LIN54: variants seen among roughly 807,000 people sequenced by gnomAD.
LIN54 encodes the protein protein lin-54 homolog.
In LIN54, 9 loss-of-function variants were observed where a neutral mutation model predicts 78.7. The ratio of observed to expected loss-of-function variants is 0.11; its 90% CI spans 0.07 to 0.20. LIN54 has a LOEUF of 0.20. LIN54 is among the 10% of genes least tolerant of loss of function. LIN54 has a pLI of 1.00. For missense variants in LIN54, 573 were observed against 889.9 expected (o/e 0.64, Z 4.53); for synonymous variants, 269 against 318.4 (o/e 0.84, Z 1.65).
rs528155911 is a variant in LIN54 at position 82,986,532 on chromosome 4, C to T, written c.-32-1656G>A. On this transcript the variant is annotated intron_variant, in intron 1 of 12. Transcript: ENST00000340417. Reference sequence around the variant, plus strand: ...GATCCTGGCCAACATGGTGAAACCCCGTCTCAACTAAAAATACAAAAATTA... The same window carrying T: ...GATCCTGGCCAACATGGTGAAACCCTGTCTCAACTAAAAATACAAAAATTA... Among the ~76,000 whole-genome samples the T allele has an allele frequency of 6.6e-5, 10 of 151,578 alleles. No individual in the cohort carries two copies. The South Asian group carries it at 2.1e-3, about 32-fold the overall frequency.
At chr4:82,993,469 C>T (rs1296475647) in intron 1 of LIN54, among the ~76,000 whole-genome samples, 5 of 152,092 alleles carry the variant, frequency 3.3e-5, no homozygotes, top group East Asian at 1.9e-4. Context: ...CCGCCTGCCT[C>T]GGCCTCCCAA....
chr4:82,981,397 G>C (rs1266670090), intron 2 of LIN54, among the ~76,000 whole-genome samples: 2 of 151,838 alleles, frequency 1.3e-5, no homozygotes, highest in African/African-American at 4.8e-5. Flanking sequence ...TTTCAAGATG[G>C]CCTCCATCTT....
Position 82,984,715 on chromosome 4 carries a change from G to C in LIN54, c.130C>G (p.Leu44Val), listed in dbSNP as rs781334706. The C allele has an allele frequency of 6.2e-7, 1 of 1,614,110 alleles. No homozygotes were observed. Among genetic ancestry groups the C allele is most frequent in the Non-Finnish European group, 8.5e-7 (1 of 1,180,022 alleles). The stretch of plus-strand genomic sequence containing the variant: ...GAATTTATGTTGACAATTTCTTCCA[G>C]TTCTGTCTCCATGGGAATTGGGGAT... ...VSSPIPMETE[L>V]EEIVNINSTG... The change falls in exon 2 of 13, where the codon CTG becomes GTG. Residue 44 changes from leucine (L) to valine (V), a missense_variant. Transcript: ENST00000340417.
At chr4:82,952,682 C>T (rs896361613) in intron 4 of LIN54, among the ~76,000 whole-genome samples, 2 of 152,152 alleles carry the variant, frequency 1.3e-5, no homozygotes, top group African/African-American at 2.4e-5. Context: ...CAGCACTATT[C>T]ACAATAGCCA....
In LIN54 at chr4:82,994,042, T is replaced by C. The variant is rs143453417; in HGVS notation, c.-32-9166A>G. Among the ~76,000 whole-genome samples, 12 of 152,278 alleles carry C rather than the reference T, an allele frequency of 7.9e-5. No homozygotes were observed. In the East Asian group the frequency reaches 2.3e-3, roughly 29 times the overall value. On this transcript the variant is annotated intron_variant, in intron 1 of 12. Transcript: ENST00000340417. Reference sequence around the variant, plus strand: ...GTCTGTCAACTCCTGGTTTAAATGATTGATTGATTTTAAAACTTTCTTCTT... The same window carrying C: ...GTCTGTCAACTCCTGGTTTAAATGACTGATTGATTTTAAAACTTTCTTCTT...
At chr4:82,942,849 C>CGT (rs1307661309) in intron 5 of LIN54, among the ~76,000 whole-genome samples, 76 of 100,986 alleles carry the variant, frequency 7.5e-4, no homozygotes, top group Admixed American at 2.3e-3. Context: ...CAAATGTGTG[C>CGT]GTGTGCGCGC....
chr4:82,947,572 T>A (rs182790559), intron 4 of LIN54, among the ~76,000 whole-genome samples: 2 of 152,138 alleles, frequency 1.3e-5, no homozygotes, highest in Admixed American at 1.3e-4. Context: ...TTAAAATGAT[T>A]TAATTATTTT....
intron 4 of LIN54, among the ~76,000 whole-genome samples, chr4:82,947,303 G>A (rs1210534058): frequency 5.9e-5 from 8 of 134,542 alleles, no homozygotes; most frequent in African/African-American, 2.3e-4. Flanking sequence ...TGCAATAACG[G>A]CTCACTGCAG....
In LIN54 at chr4:82,937,292, G is replaced by T; in HGVS notation, c.1539C>A (p.Ile513=). The part of the protein sequence containing the change: ...TQARLPFNGI[I]PSESASRPRK... ...GGGGCCGACTGGCCGACTCTGATGG[G>T]ATTATGCTGTACAGATAGAAAAAAA... The change falls in exon 9 of 13, where the codon ATC becomes ATA. Residue 513 remains isoleucine, a synonymous_variant. Coordinates refer to ENST00000340417, the MANE Select transcript of LIN54 (RefSeq NM_194282.4). 3.8e-6 allele frequency: 6 copies of T among 1,590,174 alleles called. No homozygotes were observed. The highest frequency in any genetic ancestry group is 5.2e-6 in the Non-Finnish European group (6 of 1,158,724).
At chr4:83,009,860 T>A (rs947949885) in intron 1 of LIN54, among the ~76,000 whole-genome samples, 1 of 152,204 alleles carries the variant, frequency 6.6e-6, no homozygotes, top group Non-Finnish European at 1.5e-5. Context: ...TTCATAACTT[T>A]ACTCTCTGAA....
At chr4:82,942,860 G>GCACA (rs1214264708) in intron 5 of LIN54, among the ~76,000 whole-genome samples, 41 of 38,552 alleles carry the variant, frequency 1.1e-3, no homozygotes, top group African/African-American at 7.1e-3. Flanking sequence ...GTGTGCGCGC[G>GCACA]CACACACACA....
At chr4:82,997,674 G>T (rs1050869578) in intron 1 of LIN54, among the ~76,000 whole-genome samples, 1 of 151,938 alleles carries the variant, frequency 6.6e-6, no homozygotes, top group Non-Finnish European at 1.5e-5. Context: ...ATAAATGCTA[G>T]ATATGATTTA....
intron 1 of LIN54, among the ~76,000 whole-genome samples, chr4:82,991,117 T>G (rs1479998278): frequency 1.6e-5 from 2 of 124,214 alleles, no homozygotes; most frequent in African/African-American, 6.3e-5. Context: ...ACCACTGTAC[T>G]CCAGCCTGGG....
chr4:82,966,497 T>C lies in LIN54; in HGVS notation c.951+3830A>G, dbSNP rs565913977. Among the ~76,000 whole-genome samples the C allele has an allele frequency of 1.4e-4, 21 of 148,710 alleles. No homozygotes were observed. The South Asian group carries it at 4.2e-3, about 30-fold the overall frequency. ...AGAAATAGAAGAGAATTTGCAAACATGGAGAATGCCAGGGCTTTACATCTC... is the reference window on the plus strand; with the variant it reads ...AGAAATAGAAGAGAATTTGCAAACACGGAGAATGCCAGGGCTTTACATCTC... On this transcript the variant is annotated intron_variant, in intron 4 of 12. Coordinates refer to ENST00000340417, the MANE Select transcript of LIN54 (RefSeq NM_194282.4).
At chr4:82,963,662 T>C (rs925512734) in intron 4 of LIN54, among the ~76,000 whole-genome samples, 17 of 134,050 alleles carry the variant, frequency 1.3e-4, no homozygotes, top group Admixed American at 1.1e-3. Flanking sequence ...AAATGTATAT[T>C]TGATTGTAGA....
At chr4:82,988,565 A>G (rs886770333) in intron 1 of LIN54, among the ~76,000 whole-genome samples, 7 of 152,240 alleles carry the variant, frequency 4.6e-5, no homozygotes, top group Non-Finnish European at 8.8e-5. Context: ...AGATCTGGCA[A>G]TTCCTTCTAG....
chr4:82,940,629 G>A (rs972817793), intron 5 of LIN54, among the ~76,000 whole-genome samples: 1 of 152,182 alleles, frequency 6.6e-6, no homozygotes, highest in African/African-American at 2.4e-5. Context: ...TCGAACTCCC[G>A]ACCTCAGGTG....
At chr4:82,994,181 G>A (rs1727992033) in intron 1 of LIN54, among the ~76,000 whole-genome samples, 1 of 151,882 alleles carries the variant, frequency 6.6e-6, no homozygotes, top group Non-Finnish European at 1.5e-5. Context: ...AATATTGCTT[G>A]TGATTTTACC....
intron 1 of LIN54, among the ~76,000 whole-genome samples, chr4:82,990,089 T>C (rs1476755805): frequency 2.0e-5 from 3 of 152,178 alleles, no homozygotes; most frequent in Non-Finnish European, 4.4e-5. Context: ...GGTGAGACCA[T>C]TCACTAACAG....
Sources: gnomAD v4.1 joint callset for allele counts (sites outside exome capture counted in the v4.1 genomes callset) on GRCh38, gnomAD v4.1.1 for gene constraint, MANE v1.5 for transcripts, NCBI Gene and HGNC (gene_info 2026-07-23, HGNC 2026-07-21) for gene names.